Variants in RGP1 observed in about 807,000 individuals in gnomAD.
RGP1 encodes the protein RGP1 partner of RAB6A GEF complex.
In RGP1, 28 loss-of-function variants were observed where a neutral mutation model predicts 44.5. That is an observed-to-expected ratio of 0.63 (90% confidence interval 0.47 to 0.86). The LOEUF is 0.86. RGP1 is among the 40% of genes least tolerant of loss of function. The pLI is 0.00. For synonymous variants in RGP1, 212 were observed against 196.7 expected (o/e 1.08, Z -0.65); for missense variants, 417 against 490.7 (o/e 0.85, Z 1.42).
At chr9:35,778,783 C>T in the RGP1 span, among the ~76,000 whole-genome samples, 1 of 152,154 alleles carries the variant, frequency 6.6e-6, no homozygotes, top group Non-Finnish European at 1.5e-5. Flanking sequence ...CTCCTAGATC[C>T]ACGTGCACCT....
chr9:35,759,041 T>A (rs1827395375), downstream of RGP1, among the ~76,000 whole-genome samples: 1 of 152,212 alleles, frequency 6.6e-6, no homozygotes, highest in South Asian at 2.1e-4. Flanking sequence ...ACCAAAGCCT[T>A]AACCTTTCCT....
chr9:35,769,765 A>G, the RGP1 span, among the ~76,000 whole-genome samples: 1 of 152,202 alleles, frequency 6.6e-6, no homozygotes, highest in Non-Finnish European at 1.5e-5. Flanking sequence ...GAGGCTGAAG[A>G]GAGGCAGGGA....
chr9:35,781,318 C>A, the RGP1 span, among the ~76,000 whole-genome samples: 2 of 149,782 alleles, frequency 1.3e-5, no homozygotes, highest in Admixed American at 6.8e-5. Flanking sequence ...CTCCATCCTG[C>A]AGGCTAGTGG....
rs534787547 is a variant in RGP1, at chr9:35,749,649, C to G, written c.-19-88C>G. The G allele has an allele frequency of 1.3e-6, 1 of 796,798 alleles. No homozygotes were observed. Among genetic ancestry groups the G allele is most frequent in the African/African-American group, 1.7e-5 (1 of 58,396 alleles). 49.4% of individuals were successfully genotyped at this position (796,798 alleles called of 1,614,324 possible). On this transcript the variant is annotated intron_variant, in intron 1 of 8. Transcript: ENST00000378078. The surrounding 1 kb of genome is among the most constrained non-coding windows in gnomAD (Gnocchi z 4.4). ...CTCGGGCACCACGGTGCTGACCACC[C>G]CTGTCCTCAGCCCTCAGCCCTAGGT...
Position 35,749,957 on chromosome 9 carries a change from G to GT in RGP1, c.116+87dup. On this transcript the variant is annotated intron_variant, in intron 2 of 8. Coordinates refer to ENST00000378078, the MANE Select transcript of RGP1 (RefSeq NM_001080496.3). This position sits in a 1 kb window ranked among gnomAD's most constrained non-coding sequence, Gnocchi z 4.4. ...GCTGAGGCAGAGCTCAGGTTGTCCTGTAGCGACACCACCTCCTCTTGCTCA... is the reference window on the plus strand; with the variant it reads ...GCTGAGGCAGAGCTCAGGTTGTCCTGTTAGCGACACCACCTCCTCTTGCTCA... The GT allele has an allele frequency of 9.4e-7, 1 of 1,067,904 alleles. No individual in the cohort carries two copies. Among genetic ancestry groups the GT allele is most frequent in the Non-Finnish European group, 1.4e-6 (1 of 713,658 alleles). 66.2% of individuals were successfully genotyped at this position (1,067,904 alleles called of 1,614,324 possible).
At position 35,752,932 on chromosome 9, in the gene RGP1, C is replaced by CGA; in HGVS notation, c.*58_*59insGA. The CGA allele has an allele frequency of 6.4e-7, 1 of 1,569,408 alleles. No homozygotes were observed. The highest frequency in any genetic ancestry group is 1.8e-5 in the Admixed American group (1 of 56,442). On this transcript the variant is annotated 3_prime_UTR_variant, in exon 9 of 9. Coordinates refer to ENST00000378078, the MANE Select transcript of RGP1 (RefSeq NM_001080496.3). Reference sequence around the variant, plus strand: ...ATACTGAGAACTCAGCACCTGGACTCTAATGGGACCCACTTTTTCCACCTG... The same window carrying CGA: ...ATACTGAGAACTCAGCACCTGGACTCGATAATGGGACCCACTTTTTCCACCTG...
In RGP1 at chr9:35,750,836, C is replaced by T; in HGVS notation, c.338-4C>T. On this transcript the variant is annotated splice_region_variant and splice_polypyrimidine_tract_variant and intron_variant, in intron 4 of 8. Coordinates refer to ENST00000378078, the MANE Select transcript of RGP1 (RefSeq NM_001080496.3). The stretch of plus-strand genomic sequence containing the variant: ...GGCTGTCCTGACAACTACTTCCCAA[C>T]CAGACTCCTACAGTGAAGTGCTGCC... 1 of 1,613,938 alleles carries T rather than the reference C, an allele frequency of 6.2e-7. No homozygotes were observed. The highest frequency in any genetic ancestry group is 8.5e-7 in the Non-Finnish European group (1 of 1,179,846).
the RGP1 span, among the ~76,000 whole-genome samples, chr9:35,771,182 C>T: frequency 6.6e-6 from 1 of 152,048 alleles, no homozygotes; most frequent in East Asian, 1.9e-4. Flanking sequence ...GAGTAACTTC[C>T]GTAACAAATA....
At chr9:35,780,863 A>G in the RGP1 span, among the ~76,000 whole-genome samples, 1 of 152,168 alleles carries the variant, frequency 6.6e-6, no homozygotes, top group Non-Finnish European at 1.5e-5. Flanking sequence ...ACTGCACTCC[A>G]GCCTGGGTAA....
At chr9:35,781,409 G>C in the RGP1 span, among the ~76,000 whole-genome samples, 1 of 122,686 alleles carries the variant, frequency 8.2e-6, no homozygotes. Context: ...GGTGGGGGGA[G>C]GGGGTGGGGG....
At chr9:35,761,792 G>T (rs952785280), downstream of RGP1, among the ~76,000 whole-genome samples, 5 of 152,240 alleles carry the variant, frequency 3.3e-5, no homozygotes, top group Non-Finnish European at 5.9e-5. Context: ...GGATCATCTG[G>T]CTTGATTAAA....
chr9:35,781,121 A>C, the RGP1 span, among the ~76,000 whole-genome samples: 1 of 152,070 alleles, frequency 6.6e-6, no homozygotes, highest in Non-Finnish European at 1.5e-5. Flanking sequence ...AAGCCTCAAA[A>C]AAGACTAATT....
chr9:35,767,437 C>T, the RGP1 span, among the ~76,000 whole-genome samples: 1 of 151,984 alleles, frequency 6.6e-6, no homozygotes, highest in Non-Finnish European at 1.5e-5. Flanking sequence ...GTTAATGATA[C>T]CACCATTCTT....
chr9:35,752,905 G>A lies in RGP1; in HGVS notation c.*31G>A, dbSNP rs756953349. ...GCCCACCCTGGTGCTAGTTCCTTCC[G>A]GATACTGAGAACTCAGCACCTGGAC... is the stretch of plus-strand genomic sequence containing the variant. On this transcript the variant is annotated 3_prime_UTR_variant, in exon 9 of 9. Transcript: ENST00000378078. 38 of 1,601,674 alleles carry A rather than the reference G, an allele frequency of 2.4e-5. No homozygotes were observed. The highest frequency in any genetic ancestry group is 3.3e-5 in the South Asian group (3 of 89,778).
At chr9:35,769,520 T>C in the RGP1 span, among the ~76,000 whole-genome samples, 1 of 152,168 alleles carries the variant, frequency 6.6e-6, no homozygotes, top group African/African-American at 2.4e-5. Flanking sequence ...TTCAGAAATA[T>C]TACTGAGAAA....
the RGP1 span, among the ~76,000 whole-genome samples, chr9:35,787,934 A>G: frequency 1.3e-5 from 2 of 152,180 alleles, no homozygotes; most frequent in African/African-American, 4.8e-5. Context: ...TCTGCTAGTC[A>G]GGTCAGCAGA....
the RGP1 span, among the ~76,000 whole-genome samples, chr9:35,789,735 G>A: frequency 6.6e-6 from 1 of 151,766 alleles, no homozygotes; most frequent in East Asian, 1.9e-4. Context: ...CCTGGGTTTG[G>A]TGGCTATTAT....
downstream of RGP1, among the ~76,000 whole-genome samples, chr9:35,758,842 T>A (rs1268100445): frequency 2.6e-5 from 4 of 152,118 alleles, no homozygotes; most frequent in African/African-American, 4.8e-5. Flanking sequence ...CCTTTCTGGC[T>A]CTTTTCCACC....
chr9:35,785,420 C>CTTTTTTT, the RGP1 span, among the ~76,000 whole-genome samples: 1 of 111,272 alleles, frequency 9.0e-6, no homozygotes, highest in Admixed American at 9.3e-5. Flanking sequence ...AGCAGCTGGG[C>CTTTTTTT]TTTTTTTTTT....
Sources: allele counts gnomAD v4.1 joint callset (sites outside exome capture counted in the v4.1 genomes callset), GRCh38; gene constraint gnomAD v4.1.1; non-coding constraint Gnocchi (gnomAD v3.1); transcripts MANE v1.5; gene names NCBI Gene and HGNC (gene_info 2026-07-23, HGNC 2026-07-21).